Variants in KDM4C observed in about 807,000 individuals in gnomAD.
The protein encoded by KDM4C is lysine-specific demethylase 4C.
Under a neutral mutation model 129.3 loss-of-function variants are expected in KDM4C, and 81 were observed. That is an observed-to-expected ratio of 0.63 (90% CI 0.52 to 0.75). The LOEUF is 0.75. Among genes scored for constraint, KDM4C ranks in the 30% least tolerant of loss-of-function variants. KDM4C has a pLI of 0.00. For missense variants in KDM4C, 1,457 were observed against 1,304.0 expected, an observed-to-expected ratio of 1.12 and a Z score of -1.81; for synonymous variants, 573 against 456.1, an observed-to-expected ratio of 1.26 and a Z score of -3.26.
At chr9:6,813,195 AT>A (rs745638980) in intron 3 of KDM4C, among the ~76,000 whole-genome samples, 17 of 152,014 alleles carry the variant, frequency 1.1e-4, no homozygotes, top group Non-Finnish European at 2.5e-4. Flanking sequence ...GAAGAAAAAC[AT>A]TAAAAAAAAA....
At chr9:7,064,094 G>A (rs947217529) in intron 17 of KDM4C, among the ~76,000 whole-genome samples, 1 of 152,160 alleles carries the variant, frequency 6.6e-6, no homozygotes, top group African/African-American at 2.4e-5. Context: ...ATCTGAAGCA[G>A]CTACATTTAA....
intron 4 of KDM4C, among the ~76,000 whole-genome samples, chr9:6,841,369 G>C (rs2129842548): frequency 6.6e-6 from 1 of 152,250 alleles, no homozygotes; most frequent in South Asian, 2.1e-4. Context: ...GTTGAGGATG[G>C]AATATAGAGT....
intron 8 of KDM4C, among the ~76,000 whole-genome samples, chr9:6,895,756 T>A (rs995140401): frequency 1.4e-4 from 22 of 152,034 alleles, no homozygotes; most frequent in African/African-American, 4.8e-4. Context: ...AAACAAAAAT[T>A]AAGAAAAAAG....
chr9:6,741,306 A>C (rs961691870), intron 1 of KDM4C, among the ~76,000 whole-genome samples: 74 of 152,164 alleles, frequency 4.9e-4, no homozygotes, highest in African/African-American at 1.8e-3. Context: ...GAGGCAGCAG[A>C]ATCGCTTGAA....
intron 8 of KDM4C, among the ~76,000 whole-genome samples, chr9:6,964,092 T>C (rs1830483101): frequency 6.6e-6 from 1 of 152,252 alleles, no homozygotes; most frequent in Non-Finnish European, 1.5e-5. Flanking sequence ...CATTTTATTT[T>C]ATTTATTTCA....
chr9:7,134,365 A>C (rs1048946451), intron 19 of KDM4C, among the ~76,000 whole-genome samples: 1 of 152,196 alleles, frequency 6.6e-6, no homozygotes, highest in African/African-American at 2.4e-5. Flanking sequence ...TTTATTTATA[A>C]ATCTAATATT....
chr9:6,798,050 A>G (rs116980558), intron 2 of KDM4C, among the ~76,000 whole-genome samples: 1,863 of 152,264 alleles, frequency 0.012, 14 homozygotes, highest in Middle Eastern at 0.041. Flanking sequence ...AGGATTTCAA[A>G]TTATAGTTAA....
intron 1 of KDM4C, among the ~76,000 whole-genome samples, chr9:6,733,035 C>T (rs550260853): frequency 6.6e-6 from 1 of 152,052 alleles, no homozygotes; most frequent in Non-Finnish European, 1.5e-5. Context: ...AAAGAAAGTA[C>T]CACCACGTGG....
In KDM4C at chr9:6,729,243, T is replaced by G. The variant is rs68120465; in HGVS notation, c.49+8246T>G. Among the ~76,000 whole-genome samples, 2 of 84,532 alleles carry G rather than the reference T, an allele frequency of 2.4e-5. 1 individual carries two copies. Among genetic ancestry groups the G allele is most frequent in the East Asian group, 7.3e-4 (2 of 2,724 alleles). The allele number at this position is 84,532 out of a possible 152,430, so 55.5% of individuals were successfully genotyped here. On this transcript the variant is annotated intron_variant, in intron 1 of 17. Coordinates refer to the KDM4C transcript ENST00000536108. ...AAAAAAAAAAGAAGAAGAAAAGAAA[T>G]AAATGGAAGAAACAGGGCCAGACGT...
At chr9:6,997,278 G>A (rs1172879128) in intron 12 of KDM4C, among the ~76,000 whole-genome samples, 2 of 152,168 alleles carry the variant, frequency 1.3e-5, no homozygotes, top group South Asian at 2.1e-4. Context: ...GGCGCAGAGC[G>A]ATCAGAACTA....
chr9:6,777,412 T>C (rs1042440284), intron 1 of KDM4C, among the ~76,000 whole-genome samples: 13 of 152,236 alleles, frequency 8.5e-5, no homozygotes, highest in Non-Finnish European at 1.3e-4. Context: ...TGTTAAGTCA[T>C]GCAAAGAGTC....
intron 5 of KDM4C, among the ~76,000 whole-genome samples, chr9:6,872,378 A>G (rs779016787): frequency 1.1e-4 from 17 of 152,176 alleles, no homozygotes; most frequent in East Asian, 9.6e-4. Flanking sequence ...GTAAATGTCT[A>G]TTAGGTCCAC....
intron 2 of KDM4C, among the ~76,000 whole-genome samples, chr9:6,797,572 G>T (rs1349879340): frequency 6.6e-6 from 1 of 152,208 alleles, no homozygotes; most frequent in Non-Finnish European, 1.5e-5. Flanking sequence ...AGGAGATTAT[G>T]ATGAACTTTT....
intron 8 of KDM4C, among the ~76,000 whole-genome samples, chr9:6,973,425 T>C (rs1832344409): frequency 6.6e-6 from 1 of 152,214 alleles, no homozygotes; most frequent in Non-Finnish European, 1.5e-5. Flanking sequence ...CTTTAGGTAT[T>C]TTCCCACTTT....
In KDM4C at chr9:7,013,977, A is replaced by G. The variant is rs976026215; in HGVS notation, c.2158A>G (p.Lys720Glu). Reference protein sequence around the residue: ...DGTSLLISCAKCCVRVHASCY... With the variant: ...DGTSLLISCAECCVRVHASCY... The stretch of plus-strand genomic sequence containing the variant: ...AACAAGTCTCCTTATTTCCTGTGCA[A>G]AGTGCTGCGTACGGGTTCATGCAAG... The change falls in exon 14 of 22, where the codon AAG becomes GAG. Residue 720 changes from lysine (K) to glutamate (E), a missense_variant. Lys to Glu is a moderately conservative substitution (Grantham distance 56). Transcript: ENST00000381309. 3.7e-6 allele frequency: 6 copies of G among 1,613,692 alleles called. No individual in the cohort carries two copies. The highest frequency in any genetic ancestry group is 1.7e-5 in the Admixed American group (1 of 59,994).
chr9:7,014,951 C>CACCT (rs1823390843), intron 14 of KDM4C, among the ~76,000 whole-genome samples: 1 of 145,856 alleles, frequency 6.9e-6, no homozygotes, highest in African/African-American at 2.5e-5. Flanking sequence ...CACACACACA[C>CACCT]ACCTTACATT....
rs1412556091 is a variant in KDM4C at position 7,049,058 on chromosome 9, C to A, written c.2316-34C>A. 5.4e-6 allele frequency: 8 copies of A among 1,473,644 alleles called. No individual in the cohort carries two copies. In the East Asian group the frequency reaches 6.8e-5, roughly 13 times the overall value. The allele number at this position is 1,473,644 out of a possible 1,614,324, so 91.3% of individuals were successfully genotyped here. On this transcript the variant is annotated intron_variant, in intron 16 of 21. Coordinates refer to ENST00000381309, the MANE Select transcript of KDM4C (RefSeq NM_015061.6). ...AGTTGAAGTATGTAAGTTTAGGGAA[C>A]TTTTGTTTATGTTTAATGTCTCCTT...
At chr9:7,122,064 C>T (rs1370550864) in intron 18 of KDM4C, among the ~76,000 whole-genome samples, 1 of 151,994 alleles carries the variant, frequency 6.6e-6, no homozygotes, top group African/African-American at 2.4e-5. Context: ...TGAAGAACTA[C>T]CTGAGACTGG....
chr9:7,046,631 T>C (rs1829438284), intron 15 of KDM4C, among the ~76,000 whole-genome samples: 1 of 152,046 alleles, frequency 6.6e-6, no homozygotes, highest in Admixed American at 6.6e-5. Context: ...GTTCATTTCA[T>C]GATGGTTCCC....
Sources: allele counts gnomAD v4.1 joint callset (sites outside exome capture counted in the v4.1 genomes callset), GRCh38; gene constraint gnomAD v4.1.1; transcripts MANE v1.5; gene names NCBI Gene and HGNC (gene_info 2026-07-23, HGNC 2026-07-21).